The following SEM1 variants were observed in gnomAD, a reference collection of about 807,000 sequenced individuals.
The protein encoded by SEM1 is SEM1 26S proteasome subunit, also known as 26S proteasome complex subunit SEM1.
Under a neutral mutation model 12.7 loss-of-function variants are expected in SEM1, and 3 were observed. The ratio of observed to expected loss-of-function variants is 0.24; its 90% confidence interval spans 0.11 to 0.61. The LOEUF (loss-of-function observed/expected upper bound fraction) is 0.61, where lower values mean the gene tolerates loss of function less well. SEM1 is among the 20% of genes least tolerant of loss of function. The pLI is 0.88. For synonymous variants in SEM1, 30 were observed against 27.8 expected (o/e 1.08, Z -0.25); for missense variants, 59 against 81.3 (o/e 0.73, Z 1.06).
chr7:96,486,787 T>C (rs1802787888), intron 1 of SEM1, among the ~76,000 whole-genome samples: 1 of 152,134 alleles, frequency 6.6e-6, no homozygotes, highest in Admixed American at 6.6e-5. Flanking sequence ...CTGGGATGGG[T>C]GTGTAGTTGC....
At chr7:96,510,638 C>T (rs1207124826) in intron 2 of SEM1, among the ~76,000 whole-genome samples, 2 of 152,106 alleles carry the variant, frequency 1.3e-5, no homozygotes, top group East Asian at 3.9e-4. Flanking sequence ...TGTTGGATCA[C>T]AGTTGGTACA....
At chr7:96,595,593 T>C (rs939267077) in intron 2 of SEM1, among the ~76,000 whole-genome samples, 2 of 152,190 alleles carry the variant, frequency 1.3e-5, no homozygotes, top group Admixed American at 6.5e-5. Context: ...AACAGCATTA[T>C]AGGAAAGTTG....
At chr7:96,485,095 C>T (rs544074597) in intron 2 of SEM1, among the ~76,000 whole-genome samples, 5 of 152,172 alleles carry the variant, frequency 3.3e-5, no homozygotes, top group Admixed American at 6.5e-5. Context: ...AAATACACAG[C>T]GAAGTAAATG....
chr7:96,508,447 A>G (rs75866804), intron 2 of SEM1, among the ~76,000 whole-genome samples: 56 of 152,180 alleles, frequency 3.7e-4, no homozygotes, highest in African/African-American at 1.3e-3. Context: ...GAACAGTGCA[A>G]TTACAAAATA....
intron 2 of SEM1, among the ~76,000 whole-genome samples, chr7:96,551,593 C>A (rs1196444609): frequency 2.0e-5 from 3 of 150,910 alleles, no homozygotes; most frequent in African/African-American, 7.3e-5. Context: ...GAGTCCCAGC[C>A]ATTCAGGAGG....
At chr7:96,492,165 CCAT>C (rs1803036407) in intron 1 of SEM1, among the ~76,000 whole-genome samples, 1 of 152,148 alleles carries the variant, frequency 6.6e-6, no homozygotes, top group Admixed American at 6.5e-5. Context: ...ACTGTCACCA[CCAT>C]CGTCTCCAGA....
chr7:96,510,827 G>A (rs1803913526), intron 2 of SEM1, among the ~76,000 whole-genome samples: 1 of 152,096 alleles, frequency 6.6e-6, no homozygotes, highest in Admixed American at 6.6e-5. Flanking sequence ...TTCATCCTCT[G>A]GCTGCAGCTA....
intron 1 of SEM1, among the ~76,000 whole-genome samples, chr7:96,495,975 G>C (rs1563029079): frequency 6.6e-6 from 1 of 151,990 alleles, no homozygotes; most frequent in Non-Finnish European, 1.5e-5. Flanking sequence ...CCCAGAGTAG[G>C]CATCTAGGAA....
At chr7:96,494,281 T>C (rs997771418) in intron 1 of SEM1, among the ~76,000 whole-genome samples, 3 of 152,224 alleles carry the variant, frequency 2.0e-5, no homozygotes, top group African/African-American at 7.2e-5. Context: ...TCTCAAGATA[T>C]GTGAAATACT....
At chr7:96,605,367 T>C (rs993013194) in intron 2 of SEM1, among the ~76,000 whole-genome samples, 1 of 152,138 alleles carries the variant, frequency 6.6e-6, no homozygotes, top group Non-Finnish European at 1.5e-5. Flanking sequence ...TGAAAAACAA[T>C]AGGAAAATCA....
At chr7:96,564,231 A>G (rs1313745146) in intron 2 of SEM1, among the ~76,000 whole-genome samples, 1 of 151,982 alleles carries the variant, frequency 6.6e-6, no homozygotes, top group Non-Finnish European at 1.5e-5. Flanking sequence ...CTCATTATTT[A>G]TAAGTCTTTA....
rs1554412360 is a variant in SEM1, at chr7:96,541,431, G to GGTTTTTTTTTTGTTTTTT, written c.171-34734_171-34733insAAAAAACAAAAAAAAAAC. ...CATGTCTTTTCCCACTTTTTAATGG[G>GGTTTTTTTTTTGTTTTTT]TTTTTTTTTTTGTTTTTTTTTTTTT... On this transcript the variant is annotated intron_variant and NMD_transcript_variant, in intron 2 of 3. Coordinates refer to the SEM1 transcript ENST00000466986. Among the ~76,000 whole-genome samples, 4 of 121,488 alleles carry GGTTTTTTTTTTGTTTTTT rather than the reference G, an allele frequency of 3.3e-5. 1 individual carries two copies. The highest frequency in any genetic ancestry group is 4.8e-5 in the Non-Finnish European group (3 of 61,908). The allele number at this position is 121,488 out of a possible 152,430, so 79.7% of individuals were successfully genotyped here.
chr7:96,684,821 C>CA (rs1789717607), downstream of SEM1, among the ~76,000 whole-genome samples: 1 of 151,846 alleles, frequency 6.6e-6, no homozygotes, highest in African/African-American at 2.4e-5. Flanking sequence ...AGGGAGAGGT[C>CA]AAAACAGGAG....
At position 96,592,449 on chromosome 7, in the gene SEM1, A is replaced by AAGC. The variant is rs374515488; in HGVS notation, c.171-85754_171-85752dup. Among the ~76,000 whole-genome samples the AAGC allele has an allele frequency of 3.5e-3, 535 of 152,142 alleles. 5 individuals are homozygous for AAGC. The highest frequency in any genetic ancestry group is 0.012 in the African/African-American group (489 of 41,514). On this transcript the variant is annotated intron_variant and NMD_transcript_variant, in intron 2 of 3. Coordinates refer to the SEM1 transcript ENST00000466986. ...GGCTAAATGACACATCGCTCACTTTAAGCACAGGCAGCTGGAGATTGTCAT... is the reference window on the plus strand; with the variant it reads ...GGCTAAATGACACATCGCTCACTTTAAGCAGCACAGGCAGCTGGAGATTGTCAT...
intron 2 of SEM1, among the ~76,000 whole-genome samples, chr7:96,597,596 T>C (rs1424666900): frequency 6.6e-6 from 1 of 152,012 alleles, no homozygotes; most frequent in Non-Finnish European, 1.5e-5. Flanking sequence ...TGCAATTTTT[T>C]TGGACTCCTG....
chr7:96,680,760 G>T (rs1343588060), intron 2 of SEM1, among the ~76,000 whole-genome samples: 1 of 151,996 alleles, frequency 6.6e-6, no homozygotes, highest in East Asian at 1.9e-4. Context: ...ATATAAAATG[G>T]AATTTATCCT....
rs751042479 is a variant in SEM1, at chr7:96,486,375, CT to C, written c.54del (p.Val19TrpfsTer7). The C allele has an allele frequency of 9.8e-6, 15 of 1,536,904 alleles. No individual in the cohort carries two copies. The African/African-American group carries it at 1.6e-4, about 17-fold the overall frequency. On this transcript the variant is annotated frameshift_variant, in exon 2 of 4. Transcript: ENST00000356686. LOFTEE classifies it high-confidence loss of function. ...CTTTTTATGCCATGCTTTCTTCCCACTTTTCCTCCTTGTACAGCAAACACAG... is the reference window on the plus strand; with the variant it reads ...CTTTTTATGCCATGCTTTCTTCCCACTTTCCTCCTTGTACAGCAAACACAG...
chr7:96,599,257 C>T (rs1807112832), intron 2 of SEM1, among the ~76,000 whole-genome samples: 1 of 152,178 alleles, frequency 6.6e-6, no homozygotes, highest in African/African-American at 2.4e-5. Flanking sequence ...TTCTCTCTCT[C>T]TCTCTCTCTT....
intron 2 of SEM1, among the ~76,000 whole-genome samples, chr7:96,552,313 G>A (rs1805307820): frequency 3.3e-5 from 5 of 152,036 alleles, no homozygotes. Flanking sequence ...CTAGCATTAG[G>A]TATATCTCCC....
Sources: allele counts gnomAD v4.1 joint callset (sites outside exome capture counted in the v4.1 genomes callset), GRCh38; gene constraint gnomAD v4.1.1; transcripts MANE v1.5; gene names NCBI Gene and HGNC (gene_info 2026-07-23, HGNC 2026-07-21).